The following ABCC10 variants were observed in gnomAD, a reference collection of about 807,000 sequenced individuals.
ABCC10 encodes ATP binding cassette subfamily C member 10.
Under a neutral mutation model 143.2 loss-of-function variants are expected in ABCC10, and 110 were observed. That is an observed-to-expected ratio of 0.77 (90% CI 0.66 to 0.90). The LOEUF (loss-of-function observed/expected upper bound fraction) is 0.90. Ranked by LOEUF, ABCC10 falls within the 40% of genes least tolerant of loss-of-function variation. ABCC10 has a pLI of 0.00. For synonymous variants in ABCC10, 805 were observed against 846.7 expected (o/e 0.95, Z 0.85); for missense variants, 1,700 against 1,900.5 (o/e 0.89, Z 1.96).
intron 2 of ABCC10, among the ~76,000 whole-genome samples, chr6:43,430,273 T>C (rs1279008460): frequency 6.6e-6 from 1 of 151,946 alleles, no homozygotes; most frequent in South Asian, 2.1e-4. Context: ...GTATTTTTAC[T>C]AGAGATGGAG....
At chr6:43,437,729 A>G (rs944368982) in intron 6 of ABCC10, among the ~76,000 whole-genome samples, 2 of 152,148 alleles carry the variant, frequency 1.3e-5, no homozygotes, top group African/African-American at 2.4e-5. Context: ...AGCCACTCTG[A>G]GTGGAGAAAA....
At chr6:43,448,240 T>C (rs978327097) in intron 18 of ABCC10, 1 of 487,296 alleles carries the variant, frequency 2.1e-6, no homozygotes, top group Non-Finnish European at 3.8e-6. Context: ...CCCTGAGTCC[T>C]AGGCTCAGCA....
At position 43,443,007 on chromosome 6, in the gene ABCC10, C is replaced by T. The variant is rs930727335; in HGVS notation, c.2264C>T (p.Ala755Val). ...TATCTCCTCGATGACCCTCTGGCCG[C>T]TGTGGATGCAGATGTGGCCAACCAC... ...ELYLLDDPLA[A>V]VDADVANHLL... The change falls in exon 10 of 22, where the codon GCT becomes GTT. Residue 755 changes from alanine (A) to valine (V), a missense_variant. Physicochemically the swap from Ala to Val is moderately conservative, Grantham distance 64 (BLOSUM62 0). Coordinates refer to ENST00000372530, the MANE Select transcript of ABCC10 (RefSeq NM_001198934.2). The surrounding 1 kb of genome is among the most constrained non-coding windows in gnomAD (Gnocchi z 4.2). 6.2e-7 allele frequency: 1 copy of T among 1,609,122 alleles called. No homozygotes were observed. Among genetic ancestry groups the T allele is most frequent in the African/African-American group, 1.3e-5 (1 of 74,860 alleles).
chr6:43,430,832 C>G (rs1781049506), intron 2 of ABCC10: 2 of 151,648 alleles, frequency 1.3e-5, no homozygotes, highest in East Asian at 2.0e-4. Flanking sequence ...AAGCGATTCT[C>G]GTGCCTCAGT....
rs777367706 is a variant in ABCC10 at position 43,445,264 on chromosome 6, C to T, written c.2980C>T (p.Leu994Phe). ...GGCAGTGCTCTTTGCAGCAGGCACC[C>T]TTCAAGCAGCTGCCACTCTGCATCG... Reference protein sequence around the residue: ...LRAVLFAAGTLQAAATLHRRL... With the variant: ...LRAVLFAAGTFQAAATLHRRL... Residue 994 changes from leucine to phenylalanine, a missense_variant, in exon 14 of 22, where the codon CTT (leucine) becomes TTT (phenylalanine). Transcript: ENST00000372530. The T allele has an allele frequency of 3.1e-5, 50 of 1,613,368 alleles. No homozygotes were observed. The highest frequency in any genetic ancestry group is 5.9e-6 in the Non-Finnish European group (7 of 1,179,858).
chr6:43,438,497 C>T (rs1274467113), intron 7 of ABCC10, 127 bp from the exon 8 acceptor site: 3 of 1,455,992 alleles, frequency 2.1e-6, no homozygotes, highest in East Asian at 2.4e-5. Context: ...CCATCTCAGT[C>T]ATGTGACATG....
intron 2 of ABCC10, among the ~76,000 whole-genome samples, chr6:43,429,106 C>CCT (rs1780815884): frequency 6.6e-6 from 1 of 152,132 alleles, no homozygotes; most frequent in Non-Finnish European, 1.5e-5. Context: ...GTGTGTGTTG[C>CCT]TGAGAAGGGT....
intron 2 of ABCC10, chr6:43,431,860 G>GT: frequency 7.7e-7 from 1 of 1,295,180 alleles, no homozygotes; most frequent in Non-Finnish European, 9.8e-7. Context: ...AATGTCTGTG[G>GT]TTTAAAAAAA....
chr6:43,448,042 C>T lies in ABCC10; in HGVS notation c.3959+105C>T, dbSNP rs1412861367. 4.6e-6 allele frequency: 7 copies of T among 1,526,694 alleles called. No homozygotes were observed. The Admixed American group carries it at 7.7e-5, about 17-fold the overall frequency. 94.6% of individuals were successfully genotyped at this position (1,526,694 alleles called of 1,614,324 possible). A position where few individuals can be genotyped will look rare whatever the true frequency, so the allele number is the denominator to read the frequency against. On this transcript the variant is annotated intron_variant, in intron 18 of 21. Coordinates refer to ENST00000372530, the MANE Select transcript of ABCC10 (RefSeq NM_001198934.2). The stretch of plus-strand genomic sequence containing the variant: ...TTATATAAACTCACAGCAGCCAGGG[C>T]TGATCAGGGGGCTGAAATGGAGGAC...
intron 1 of ABCC10, 104 bp from the exon 2 acceptor site, chr6:43,427,864 G>C: frequency 1.5e-6 from 2 of 1,360,194 alleles, no homozygotes; most frequent in Non-Finnish European, 2.1e-6. Flanking sequence ...GCGACGGGCG[G>C]TCCCGGTTCC....
intron 1 of ABCC10, 27 bp downstream of exon 1, chr6:43,427,784 C>T: frequency 1.5e-6 from 1 of 648,544 alleles, no homozygotes; most frequent in East Asian, 2.7e-5. Flanking sequence ...CAGAAATCCA[C>T]TGGGGAAACC....
At chr6:43,451,384 C>T (rs1420762310), downstream of ABCC10, 33 of 1,358,576 alleles carry the variant, frequency 2.4e-5, no homozygotes, top group Non-Finnish European at 3.0e-5. The surrounding 1 kb of genome is among the most constrained non-coding windows in gnomAD (Gnocchi z 4.4). Context: ...CTACACACTC[C>T]GAGCCTCAAA....
At chr6:43,431,813 G>T (rs764603981) in intron 2 of ABCC10, 118 of 1,164,464 alleles carry the variant, frequency 1.0e-4, no homozygotes, top group Non-Finnish European at 1.2e-4. Context: ...TTCCTAGTTA[G>T]TCTTCATGTT....
In ABCC10 at chr6:43,449,087, C is replaced by A. The variant is rs375815974; in HGVS notation, c.4106-20C>A. The A allele has an allele frequency of 6.2e-7, 1 of 1,613,846 alleles. No homozygotes were observed. The highest frequency in any genetic ancestry group is 8.5e-7 in the Non-Finnish European group (1 of 1,179,912). Reference sequence around the variant, plus strand: ...AGCAGGGATGGCCTGGGCCCTGCAACGAAGATGCTTTCCTTGCAGGTGGTC... The same window carrying A: ...AGCAGGGATGGCCTGGGCCCTGCAAAGAAGATGCTTTCCTTGCAGGTGGTC... On this transcript the variant is annotated intron_variant, in intron 19 of 21. Transcript: ENST00000372530.
chr6:43,430,406 T>TA (rs1482862883), intron 2 of ABCC10, among the ~76,000 whole-genome samples: 1 of 152,072 alleles, frequency 6.6e-6, no homozygotes, highest in Non-Finnish European at 1.5e-5. Context: ...ATAGAATTCT[T>TA]AAAGGCTGAT....
At chr6:43,439,698 C>A (rs1486576700) in intron 8 of ABCC10, among the ~76,000 whole-genome samples, 1 of 152,140 alleles carries the variant, frequency 6.6e-6, no homozygotes, top group Non-Finnish European at 1.5e-5. Context: ...ATTCTCCTGC[C>A]TCAGCCTCTC....
At chr6:43,432,092 G>A (rs1193834365) in intron 2 of ABCC10, 50 bp from the exon 3 acceptor site, 3 of 1,594,760 alleles carry the variant, frequency 1.9e-6, no homozygotes, top group Admixed American at 1.7e-5. Context: ...GGTATGTCTG[G>A]CTCCTGAGTC....
chr6:43,427,548 G>C lies in ABCC10; in HGVS notation c.-221G>C, dbSNP rs902213698. 42 of 292,898 alleles carry C rather than the reference G, an allele frequency of 1.4e-4. No homozygotes were observed. Among genetic ancestry groups the C allele is most frequent in the African/African-American group, 8.6e-4 (38 of 44,372 alleles). The allele number at this position is 292,898 out of a possible 1,614,324, so 18.1% of individuals were successfully genotyped here. A position where few individuals can be genotyped will look rare whatever the true frequency, so the allele number is the denominator to read the frequency against. On this transcript the variant is annotated 5_prime_UTR_variant, in exon 1 of 22. It removes an upstream start codon present in the reference 5' UTR. Coordinates refer to ENST00000372530, the MANE Select transcript of ABCC10 (RefSeq NM_001198934.2). ...CACATGCGTGCAGCTACCAGCATAT[G>C]GGCGTGGCGAATAGCGCCGGCTAGG...
intron 12 of ABCC10, 107 bp from the exon 13 acceptor site, chr6:43,444,681 T>G: frequency 8.9e-6 from 13 of 1,461,026 alleles, no homozygotes; most frequent in Non-Finnish European, 1.1e-5. Context: ...GCCAGGCGGA[T>G]GGAGATGGGC....
Sources: gnomAD v4.1 joint callset for allele counts (sites outside exome capture counted in the v4.1 genomes callset) on GRCh38, gnomAD v4.1.1 for gene constraint, Gnocchi (gnomAD v3.1) non-coding constraint, MANE v1.5 for transcripts, NCBI Gene and HGNC (gene_info 2026-07-23, HGNC 2026-07-21) for gene names.